Variants in OPA1 observed in about 807,000 individuals in gnomAD.
OPA1 encodes the protein OPA1 mitochondrial dynamin like GTPase.
In OPA1, 59 loss-of-function variants were observed where a neutral mutation model predicts 152.9. That is an observed-to-expected ratio of 0.39 (90% CI 0.31 to 0.48). The LOEUF (loss-of-function observed/expected upper bound fraction) is 0.48, where lower values mean the gene tolerates loss of function less well. Ranked by LOEUF, OPA1 falls within the 20% of genes least tolerant of loss-of-function variation. OPA1 has a pLI of 0.96. For missense variants in OPA1, 1,008 were observed against 1,216.8 expected, an observed-to-expected ratio of 0.83 and a Z score of 2.55; for synonymous variants, 400 against 389.9, an observed-to-expected ratio of 1.03 and a Z score of -0.31.
chr3:193,619,638 G>T (rs1179580509), intron 6 of OPA1: 1 of 151,664 alleles, frequency 6.6e-6, no homozygotes, highest in African/African-American at 2.4e-5. Flanking sequence ...TCATTCTTTT[G>T]GAATTGGTAA....
At chr3:193,638,509 A>G (rs1465495425) in intron 11 of OPA1, among the ~76,000 whole-genome samples, 1 of 152,212 alleles carries the variant, frequency 6.6e-6, no homozygotes, top group Non-Finnish European at 1.5e-5. Flanking sequence ...TGCTCATTTA[A>G]TTTTACGTAA....
At chr3:193,652,398 A>C (rs6801958) in intron 21 of OPA1, among the ~76,000 whole-genome samples, 18,480 of 151,718 alleles carry the variant, frequency 0.12, 1,243 homozygotes, top group African/African-American at 0.13. Flanking sequence ...AACAAACAAA[A>C]AAAAAAAACC....
intron 29 of OPA1, among the ~76,000 whole-genome samples, chr3:193,676,715 T>C (rs1158631181): frequency 6.6e-6 from 1 of 152,108 alleles, no homozygotes; most frequent in African/African-American, 2.4e-5. Flanking sequence ...GTGTGGTGGC[T>C]CACGCCTGTA....
At chr3:193,664,190 GAGA>G (rs1354796191) in intron 26 of OPA1, among the ~76,000 whole-genome samples, 3 of 152,058 alleles carry the variant, frequency 2.0e-5, no homozygotes, top group African/African-American at 7.2e-5. Flanking sequence ...AAAGTACCAC[GAGA>G]AGAATATTGC....
chr3:193,633,109 T>C (rs1732365728), intron 8 of OPA1, among the ~76,000 whole-genome samples: 1 of 151,994 alleles, frequency 6.6e-6, no homozygotes, highest in Non-Finnish European at 1.5e-5. Flanking sequence ...GCACTATATC[T>C]ATGTTTTTAA....
chr3:193,635,673 T>G, intron 9 of OPA1, 151 bp downstream of exon 9: 1 of 617,370 alleles, frequency 1.6e-6, no homozygotes, highest in East Asian at 2.8e-5. Flanking sequence ...CTTCCTATAT[T>G]AAGACATTTT....
chr3:193,598,652 A>G (rs1404722994), intron 1 of OPA1, among the ~76,000 whole-genome samples: 1 of 152,212 alleles, frequency 6.6e-6, no homozygotes, highest in Non-Finnish European at 1.5e-5. Context: ...CGCATAATCT[A>G]AGGTGGTAAG....
chr3:193,604,574 G>A lies in OPA1; in HGVS notation c.33-10149G>A, dbSNP rs1453585869. Among the ~76,000 whole-genome samples, 3 of 152,144 alleles carry A rather than the reference G, an allele frequency of 2.0e-5. No individual in the cohort carries two copies. In the East Asian group the frequency reaches 5.8e-4, roughly 29 times the overall value. On this transcript the variant is annotated intron_variant, in intron 1 of 30. Transcript: ENST00000361510. ...TGGACTTTTTCTTTTGAAAATTGAA[G>A]TTTTGGCCAGGCATGGTGGCTAACG...
intron 6 of OPA1, among the ~76,000 whole-genome samples, chr3:193,624,493 A>G (rs1730704066): frequency 6.6e-6 from 1 of 152,184 alleles, no homozygotes; most frequent in Non-Finnish European, 1.5e-5. Context: ...ATGAAAGAAA[A>G]TAAATCAGGT....
At chr3:193,658,100 C>T (rs1310130685) in intron 23 of OPA1, among the ~76,000 whole-genome samples, 6 of 151,952 alleles carry the variant, frequency 3.9e-5, no homozygotes, top group African/African-American at 1.4e-4. Flanking sequence ...ACAAAATTAA[C>T]CAGGCATGGT....
Position 193,659,348 on chromosome 3 carries a change from G to GT in OPA1, c.2441-128dup, listed in dbSNP as rs200485308. The GT allele has an allele frequency of 1.3e-3, 996 of 769,504 alleles. 20 individuals carry two copies. In the East Asian group the frequency reaches 0.026, roughly 20 times the overall value. 47.7% of individuals were successfully genotyped at this position (769,504 alleles called of 1,614,324 possible). ...CACATGTGCCATATCAGTCATGTGG[G>GT]TTTTTTCCTTTATTTCAACTGCCTT... On this transcript the variant is annotated intron_variant, in intron 24 of 30. Coordinates refer to ENST00000361510, the MANE Select transcript of OPA1 (RefSeq NM_130837.3).
chr3:193,617,830 CTT>C lies in OPA1; in HGVS notation c.604_605del (p.Leu202ValfsTer10), dbSNP rs886043124. The C allele has an allele frequency of 6.2e-7, 1 of 1,611,170 alleles. No individual in the cohort carries two copies. Among genetic ancestry groups the C allele is most frequent in the South Asian group, 1.1e-5 (1 of 91,012 alleles). ...EVIGASDLLL[L>X]LGSPEETAFR... ...TCATAGGAGCTTCTGACCTACTTCT[CTT>C]GTTAGGTGTGTAAACAGACATTTTT... is the stretch of plus-strand genomic sequence containing the variant. On this transcript the variant is annotated frameshift_variant, in exon 5 of 31. Transcript: ENST00000361510. LOFTEE classifies it high-confidence loss of function.
chr3:193,623,280 G>A (rs1373906664), intron 6 of OPA1, among the ~76,000 whole-genome samples: 3 of 152,088 alleles, frequency 2.0e-5, no homozygotes, highest in Admixed American at 1.3e-4. Context: ...TGTGAGGCTA[G>A]GTTTCAACAT....
At chr3:193,694,221 T>G (rs562012654) in intron 30 of OPA1, among the ~76,000 whole-genome samples, 1 of 152,310 alleles carries the variant, frequency 6.6e-6, no homozygotes, top group East Asian at 1.9e-4. Context: ...AAAGAATAAA[T>G]CTGGCAGAAT....
chr3:193,600,732 A>C (rs1205611821), intron 1 of OPA1, among the ~76,000 whole-genome samples: 3 of 152,172 alleles, frequency 2.0e-5, no homozygotes, highest in Non-Finnish European at 4.4e-5. Flanking sequence ...AGTCATAATA[A>C]CTTGAAAACC....
intron 22 of OPA1, among the ~76,000 whole-genome samples, chr3:193,655,329 A>G (rs907885702): frequency 1.1e-4 from 17 of 152,188 alleles, no homozygotes; most frequent in Non-Finnish European, 5.9e-5. Flanking sequence ...ATTTGCTTGA[A>G]TGTGAAATAT....
At chr3:193,667,896 T>C (rs1560048447) in intron 29 of OPA1, among the ~76,000 whole-genome samples, 2 of 152,144 alleles carry the variant, frequency 1.3e-5, no homozygotes, top group Non-Finnish European at 2.9e-5. Context: ...TATAACAAGA[T>C]GTTCCAGGCT....
intron 20 of OPA1, 77 bp from the exon 21 acceptor site, chr3:193,648,718 G>A (rs1711643946): frequency 9.7e-7 from 1 of 1,030,436 alleles, no homozygotes. Context: ...ACCTCCCTTT[G>A]GTTATCTCTG....
At chr3:193,668,297 T>C (rs1717101878) in intron 29 of OPA1, 3 of 1,532,342 alleles carry the variant, frequency 2.0e-6, no homozygotes, top group Admixed American at 2.0e-5. Flanking sequence ...AATGAAGATA[T>C]GTCCTTTTCC....
Sources: gnomAD v4.1 joint callset for allele counts (sites outside exome capture counted in the v4.1 genomes callset) on GRCh38, gnomAD v4.1.1 for gene constraint, MANE v1.5 for transcripts, NCBI Gene and HGNC (gene_info 2026-07-23, HGNC 2026-07-21) for gene names.